The following MCM9 variants were observed in gnomAD, a reference collection of about 807,000 sequenced individuals.
The protein encoded by MCM9 is minichromosome maintenance 9 homologous recombination repair factor.
In MCM9, 55 loss-of-function variants were observed where a neutral mutation model predicts 72.8. The observed-to-expected ratio is 0.76, with a 90% CI of 0.61 to 0.95. MCM9 has a LOEUF of 0.95. Ranked by LOEUF, MCM9 falls within the 40% of genes least tolerant of loss-of-function variation. MCM9 has a pLI of 0.00. For synonymous variants in MCM9, 480 were observed against 503.4 expected (o/e 0.95, Z 0.62); for missense variants, 1,279 against 1,377.0 (o/e 0.93, Z 1.13).
rs557794409 is a variant in MCM9 at position 118,847,651 on chromosome 6, A to G, written c.1325+8720T>C. 3.2e-4 allele frequency among the ~76,000 whole-genome samples: 49 copies of G among 151,922 alleles called. 2 individuals are homozygous for G. Among genetic ancestry groups the G allele is most frequent in the African/African-American group, 1.2e-3 (49 of 41,260 alleles). On this transcript the variant is annotated intron_variant, in intron 9 of 13. Coordinates refer to ENST00000619706, the MANE Select transcript of MCM9 (RefSeq NM_017696.3). ...ACAGCTTCTGAAAAATAAAAACAAAACAAAGAACTGAACTAGAGTGTCAAA... is the reference window on the plus strand; with the variant it reads ...ACAGCTTCTGAAAAATAAAAACAAAGCAAAGAACTGAACTAGAGTGTCAAA...
chr6:118,882,926 A>G (rs1348212997), intron 8 of MCM9, among the ~76,000 whole-genome samples: 1 of 152,186 alleles, frequency 6.6e-6, no homozygotes, highest in Non-Finnish European at 1.5e-5. Flanking sequence ...ACAAAGAAGT[A>G]TAAGATGTGC....
intron 9 of MCM9, among the ~76,000 whole-genome samples, chr6:118,854,680 A>G (rs753919089): frequency 1.1e-4 from 17 of 152,220 alleles, no homozygotes; most frequent in Non-Finnish European, 2.4e-4. Flanking sequence ...GATAGCATTT[A>G]AACAGGGAAA....
At position 118,856,681 on chromosome 6, in the gene MCM9, C is replaced by T. The variant is rs1776573328; in HGVS notation, c.1151-136G>A. The T allele has an allele frequency of 2.4e-5, 21 of 889,582 alleles. No individual in the cohort carries two copies. In the South Asian group the frequency reaches 3.4e-4, roughly 14 times the overall value. 55.1% of individuals were successfully genotyped at this position (889,582 alleles called of 1,614,324 possible). The stretch of plus-strand genomic sequence containing the variant: ...ATTTCTTGAACACAGGAGTTCGAGG[C>T]CTGCCTGGACAACATGGCAAAACCT... On this transcript the variant is annotated intron_variant, in intron 8 of 13. Transcript: ENST00000619706.
In MCM9 at chr6:118,816,279, A is replaced by G; in HGVS notation, c.1977T>C (p.Ser659=). The change falls in exon 14 of 14, where the codon AGT becomes AGC. Residue 659 remains serine (S), a synonymous_variant. Coordinates refer to ENST00000619706, the MANE Select transcript of MCM9 (RefSeq NM_017696.3). ...LRRLERLQNQ[S]VHQSQPRVLE... ...ATACCCGTGGTTGGGATTGGTGCACACTCTGATTCTGTAACCTGTAGCAAA... is the reference window on the plus strand; with the variant it reads ...ATACCCGTGGTTGGGATTGGTGCACGCTCTGATTCTGTAACCTGTAGCAAA... 6 of 1,535,534 alleles carry G rather than the reference A, an allele frequency of 3.9e-6. No homozygotes were observed. Among genetic ancestry groups the G allele is most frequent in the Non-Finnish European group, 5.3e-6 (6 of 1,139,052 alleles).
rs768968338 is a variant in MCM9, at chr6:118,923,930, G to C, written c.502C>G (p.Arg168Gly). The change falls in exon 4 of 14, where the codon CGG (arginine) becomes GGG (glycine). Residue 168 changes from arginine (R) to glycine (G), a missense_variant. Coordinates refer to ENST00000619706, the MANE Select transcript of MCM9 (RefSeq NM_017696.3). ...TCCAAGCTGGGACACGAGGATGGCC[G>C]GCAAAAGGTGTAATACTGCTCAAAG... The part of the protein sequence containing the change: ...ADFEQYYTFC[R>G]PSSCPSLESC... The C allele has an allele frequency of 1.2e-6, 2 of 1,614,064 alleles. No individual in the cohort carries two copies. Among genetic ancestry groups the C allele is most frequent in the South Asian group, 1.1e-5 (1 of 91,086 alleles).
At position 118,899,102 on chromosome 6, in the gene MCM9, C is replaced by T. The variant is rs186041281; in HGVS notation, c.1150+12548G>A. 1.8e-4 allele frequency among the ~76,000 whole-genome samples: 28 copies of T among 152,298 alleles called. 1 individual carries two copies. In the East Asian group the frequency reaches 3.9e-3, roughly 21 times the overall value. ...TATCCAGAATATAACTGTTGCACAG[C>T]CCCATGGCCACACGAGGTCCATGCC... On this transcript the variant is annotated intron_variant, in intron 8 of 13. Transcript: ENST00000619706.
chr6:118,887,153 T>C (rs1026356341), intron 8 of MCM9, among the ~76,000 whole-genome samples: 10 of 152,206 alleles, frequency 6.6e-5, no homozygotes, highest in African/African-American at 2.4e-4. Flanking sequence ...CTAAAATTCA[T>C]ATGAAAATTC....
At chr6:118,873,976 T>C (rs1377748169) in intron 8 of MCM9, among the ~76,000 whole-genome samples, 1 of 152,098 alleles carries the variant, frequency 6.6e-6, no homozygotes, top group East Asian at 1.9e-4. Flanking sequence ...CAATTAAGGC[T>C]GGGGGTGGTG....
intron 8 of MCM9, among the ~76,000 whole-genome samples, chr6:118,879,556 T>C (rs1448803872): frequency 6.6e-6 from 1 of 152,174 alleles, no homozygotes; most frequent in Non-Finnish European, 1.5e-5. Flanking sequence ...AATACAGTCA[T>C]GCTAATTTGT....
Position 118,814,926 on chromosome 6 carries a change from G to A in MCM9, c.3330C>T (p.Thr1110=), listed in dbSNP as rs1481401121. 14 of 1,550,092 alleles carry A rather than the reference G, an allele frequency of 9.0e-6. No homozygotes were observed. The highest frequency in any genetic ancestry group is 3.9e-5 in the Admixed American group (2 of 50,932). ...KRKSFQLRGS[T]EKLIVSKESL... The stretch of plus-strand genomic sequence containing the variant: ...ATTCTTTGGAAACAATCAGTTTCTC[G>A]GTGGACCCACGGAGCTGAAAAGATT... Residue 1110 remains threonine, a synonymous_variant, in exon 14 of 14, where the codon ACC becomes ACT. Coordinates refer to ENST00000619706, the MANE Select transcript of MCM9 (RefSeq NM_017696.3).
chr6:118,928,058 C>T (rs537821732), intron 3 of MCM9, among the ~76,000 whole-genome samples: 1 of 152,166 alleles, frequency 6.6e-6, no homozygotes, highest in Non-Finnish European at 1.5e-5. Flanking sequence ...TGTCTCAGTG[C>T]TCTCCTCTTC....
At chr6:118,837,070 G>A (rs1467425227) in intron 9 of MCM9, among the ~76,000 whole-genome samples, 4 of 152,256 alleles carry the variant, frequency 2.6e-5, no homozygotes, top group South Asian at 2.1e-4. Flanking sequence ...CTGGTACGTT[G>A]TGACTTTGTT....
rs531103567 is a variant in MCM9, at chr6:118,814,937, G to A, written c.3319C>T (p.Arg1107Cys). The change falls in exon 14 of 14, where the codon CGT (arginine) becomes TGT (cysteine). Residue 1107 changes from arginine to cysteine, a missense_variant. By Grantham distance (180) the Arg-to-Cys change is radical. Transcript: ENST00000619706. ...RVSKRKSFQL[R>C]GSTEKLIVSK... ...ACAATCAGTTTCTCGGTGGACCCAC[G>A]GAGCTGAAAAGATTTCCTTTTACTG... 46 of 1,547,342 alleles carry A rather than the reference G, an allele frequency of 3.0e-5. No individual in the cohort carries two copies. The highest frequency in any genetic ancestry group is 2.2e-4 in the South Asian group (18 of 83,668).
At chr6:118,904,615 C>G (rs1185664519) in intron 8 of MCM9, among the ~76,000 whole-genome samples, 2 of 152,222 alleles carry the variant, frequency 1.3e-5, no homozygotes, top group African/African-American at 4.8e-5. Flanking sequence ...TAGTCTAACT[C>G]AGTTTACTTT....
At chr6:118,897,028 G>A (rs996595241) in intron 8 of MCM9, among the ~76,000 whole-genome samples, 2 of 151,932 alleles carry the variant, frequency 1.3e-5, no homozygotes, top group Admixed American at 6.6e-5. Context: ...TTGTAGAGAC[G>A]GAGTTTTGCC....
intron 8 of MCM9, among the ~76,000 whole-genome samples, chr6:118,874,064 G>T (rs1381772105): frequency 6.6e-6 from 1 of 152,102 alleles, no homozygotes; most frequent in African/African-American, 2.4e-5. Context: ...AGACCAGCCT[G>T]GGCAACATGG....
intron 8 of MCM9, among the ~76,000 whole-genome samples, chr6:118,871,876 C>T (rs951327706): frequency 6.6e-6 from 1 of 151,960 alleles, no homozygotes; most frequent in Middle Eastern, 3.2e-3. Flanking sequence ...CACCGAATTC[C>T]AGCCTGGCGA....
At chr6:118,909,333 G>T (rs12206826) in intron 8 of MCM9, among the ~76,000 whole-genome samples, 14,902 of 152,120 alleles carry the variant, frequency 0.098, 1,145 homozygotes, top group East Asian at 0.2. Flanking sequence ...TTTGTATCAA[G>T]TTGTAAATGG....
intron 8 of MCM9, among the ~76,000 whole-genome samples, chr6:118,877,870 A>T (rs1208535283): frequency 6.6e-6 from 1 of 152,184 alleles, no homozygotes; most frequent in Non-Finnish European, 1.5e-5. Context: ...CAATTAAAAA[A>T]CAAAGTACTA....
Sources: gnomAD v4.1 joint callset for allele counts (sites outside exome capture counted in the v4.1 genomes callset) on GRCh38, gnomAD v4.1.1 for gene constraint, MANE v1.5 for transcripts, NCBI Gene and HGNC (gene_info 2026-07-23, HGNC 2026-07-21) for gene names.